The following FAT4 variants were observed in gnomAD, a reference collection of about 807,000 sequenced individuals.
FAT4 encodes the protein FAT atypical cadherin 4.
Under a neutral mutation model 303.9 loss-of-function variants are expected in FAT4, and 84 were observed. The observed-to-expected ratio is 0.28, with a 90% CI of 0.23 to 0.33. FAT4 has a LOEUF of 0.33. FAT4 is among the 10% of genes least tolerant of loss of function. FAT4 has a pLI of 1.00. For missense variants in FAT4, 6,005 were observed against 6,146.8 expected (o/e 0.98, Z 0.77); for synonymous variants, 2,307 against 2,298.8 (o/e 1.00, Z -0.10).
intron 3 of FAT4, 26 bp from the exon 4 acceptor site, chr4:125,406,854 C>T: frequency 6.2e-7 from 1 of 1,607,526 alleles, no homozygotes; most frequent in African/African-American, 1.3e-5. Context: ...CTTCCAATAG[C>T]TCAGATGCTT....
At chr4:125,357,260 T>A (rs985920310) in intron 2 of FAT4, among the ~76,000 whole-genome samples, 1 of 152,136 alleles carries the variant, frequency 6.6e-6, no homozygotes, top group South Asian at 2.1e-4. Flanking sequence ...ACATTTTTAC[T>A]GAATAAATAT....
chr4:125,317,163 G>A lies in FAT4; in HGVS notation c.752G>A (p.Gly251Asp). 3 of 1,607,138 alleles carry A rather than the reference G, an allele frequency of 1.9e-6. No individual in the cohort carries two copies. The highest frequency in any genetic ancestry group is 2.6e-6 in the Non-Finnish European group (3 of 1,175,250). Residue 251 changes from glycine (G) to aspartate (D), a missense_variant, in exon 2 of 18, where the codon GGC (glycine) becomes GAC (aspartate). Gly to Asp is a moderately conservative substitution (Grantham distance 94). Transcript: ENST00000394329. The surrounding 1 kb of genome is among the most constrained non-coding windows in gnomAD (Gnocchi z 7.0). Reference protein sequence around the residue: ...QDINDNPPVFGSSHYQAGVPE... With the variant: ...QDINDNPPVFDSSHYQAGVPE... ...ATTAATGACAACCCCCCGGTTTTTG[G>A]CAGTTCTCACTACCAGGCGGGGGTG... is the stretch of plus-strand genomic sequence containing the variant.
intron 9 of FAT4, 68 bp from the exon 10 acceptor site, chr4:125,448,393 A>G: frequency 7.1e-7 from 1 of 1,414,548 alleles, no homozygotes. Flanking sequence ...TCTTATATGC[A>G]CTTATCTGCT....
rs370300509 is a variant in FAT4 at position 125,318,238 on chromosome 4, C to A, written c.1827C>A (p.Asp609Glu). 4.7e-5 allele frequency: 76 copies of A among 1,614,190 alleles called. No homozygotes were observed. In the African/African-American group the frequency reaches 8.7e-4, roughly 18 times the overall value. The change falls in exon 2 of 18, where the codon GAC becomes GAA. Residue 609 changes from aspartate (D) to glutamate (E), a missense_variant. By Grantham distance (45) the Asp-to-Glu change is conservative (BLOSUM62 2). Transcript: ENST00000394329. ...AACTGTTGATGCTCAGGGCAACTGA[C>A]GGGGACCTGGGTGACAACGGAACAG... ...GTELLMLRATDGDLGDNGTVR... is the reference protein window; with the variant it reads ...GTELLMLRATEGDLGDNGTVR...
chr4:125,472,646 T>C (rs1027880974), intron 12 of FAT4, among the ~76,000 whole-genome samples: 1 of 152,226 alleles, frequency 6.6e-6, no homozygotes, highest in African/African-American at 2.4e-5. Context: ...TATTTTGAAT[T>C]GGCATCAGAT....
chr4:125,330,671 T>C (rs980743947), intron 2 of FAT4, among the ~76,000 whole-genome samples: 3 of 152,228 alleles, frequency 2.0e-5, no homozygotes, highest in African/African-American at 7.2e-5. Flanking sequence ...ACAAACATAG[T>C]AGACACAATA....
At chr4:125,350,139 AAAGT>A (rs142822941) in intron 2 of FAT4, among the ~76,000 whole-genome samples, 3,584 of 151,836 alleles carry the variant, frequency 0.024, 133 homozygotes, top group African/African-American at 0.083. Flanking sequence ...GCAGGAATAC[AAAGT>A]AATGGTAAAT....
intron 7 of FAT4, among the ~76,000 whole-genome samples, chr4:125,428,942 T>G (rs1382542186): frequency 6.6e-6 from 1 of 152,208 alleles, no homozygotes; most frequent in African/African-American, 2.4e-5. Context: ...TCTTTGTGAT[T>G]GCATCTGGTT....
At chr4:125,464,109 T>G (rs535008935) in intron 11 of FAT4, among the ~76,000 whole-genome samples, 1 of 152,222 alleles carries the variant, frequency 6.6e-6, no homozygotes, top group Non-Finnish European at 1.5e-5. Flanking sequence ...TTTTTAATTT[T>G]GTTTTTTATG....
intron 2 of FAT4, among the ~76,000 whole-genome samples, chr4:125,343,217 GA>G (rs1731865373): frequency 6.6e-6 from 1 of 152,108 alleles, no homozygotes; most frequent in Non-Finnish European, 1.5e-5. Flanking sequence ...TGTCCATAAA[GA>G]TAGCTTATTC....
intron 10 of FAT4, among the ~76,000 whole-genome samples, chr4:125,457,971 G>T (rs1456585247): frequency 6.6e-6 from 1 of 151,980 alleles, no homozygotes; most frequent in Non-Finnish European, 1.5e-5. Context: ...CTGCTGCCAG[G>T]TTTTCGCTGT....
intron 10 of FAT4, among the ~76,000 whole-genome samples, chr4:125,459,298 A>C (rs886344594): frequency 6.6e-6 from 1 of 152,068 alleles, no homozygotes; most frequent in African/African-American, 2.4e-5. Context: ...TGCTTGGACA[A>C]GTGAAACTTG....
intron 2 of FAT4, among the ~76,000 whole-genome samples, chr4:125,345,772 G>A (rs1731977091): frequency 6.6e-6 from 1 of 151,954 alleles, no homozygotes; most frequent in Non-Finnish European, 1.5e-5. Flanking sequence ...AAATGATCTA[G>A]TTGTCTATAT....
chr4:125,395,616 G>A (rs997651692), intron 2 of FAT4, among the ~76,000 whole-genome samples: 1 of 152,186 alleles, frequency 6.6e-6, no homozygotes, highest in Non-Finnish European at 1.5e-5. Context: ...ACCGCGCCCG[G>A]CCATTATTCA....
Position 125,449,024 on chromosome 4 carries a change from A to G in FAT4, c.8014A>G (p.Lys2672Glu). Residue 2672 changes from lysine to glutamate, a missense_variant, in exon 10 of 18, where the codon AAG becomes GAG. By Grantham distance (56) the Lys-to-Glu change is moderately conservative. Transcript: ENST00000394329. ...TGTCAATGATAATGCCCCAATTTTT[A>G]AGGAAGACCCATTTATATCTGAAAT... ...LDVNDNAPIFKEDPFISEILE... is the reference protein window; with the variant it reads ...LDVNDNAPIFEEDPFISEILE... 1 of 1,613,752 alleles carries G rather than the reference A, an allele frequency of 6.2e-7. No homozygotes were observed. The highest frequency in any genetic ancestry group is 8.5e-7 in the Non-Finnish European group (1 of 1,179,834).
In FAT4 at chr4:125,415,089, G is replaced by T. The variant is rs1452779691; in HGVS notation, c.6126G>T (p.Leu2042Phe). ...CTGCTCAAGTCTCCATTATTTTGTT[G>T]GATGTAAATGATAACCCACCGACAT... is the stretch of plus-strand genomic sequence containing the variant. ...TSTAQVSIIL[L>F]DVNDNPPTFL... The change falls in exon 6 of 18, where the codon TTG becomes TTT. Residue 2042 changes from leucine (L) to phenylalanine (F), a missense_variant. Physicochemically the swap from Leu to Phe is conservative, Grantham distance 22. Coordinates refer to ENST00000394329, the MANE Select transcript of FAT4 (RefSeq NM_001291303.3). 1.2e-6 allele frequency: 2 copies of T among 1,613,958 alleles called. No homozygotes were observed. The highest frequency in any genetic ancestry group is 3.3e-5 in the Admixed American group (2 of 59,992).
At chr4:125,402,752 T>A (rs1734437413) in intron 3 of FAT4, among the ~76,000 whole-genome samples, 1 of 152,048 alleles carries the variant, frequency 6.6e-6, no homozygotes, top group Non-Finnish European at 1.5e-5. Context: ...TCCCCCACTG[T>A]GTCAGCTTTA....
In FAT4 at chr4:125,415,034, C is replaced by G; in HGVS notation, c.6071C>G (p.Pro2024Arg). The G allele has an allele frequency of 6.2e-7, 1 of 1,614,052 alleles. No homozygotes were observed. Among genetic ancestry groups the G allele is most frequent in the Admixed American group, 1.7e-5 (1 of 59,998 alleles). ...YNLVVQVHDL[P>R]QIPASRFTST... Reference sequence around the variant, plus strand: ...TTGGTTGTTCAAGTGCATGACCTGCCACAGATTCCAGCCTCCAGATTCACA... The same window carrying G: ...TTGGTTGTTCAAGTGCATGACCTGCGACAGATTCCAGCCTCCAGATTCACA... Residue 2024 changes from proline to arginine, a missense_variant, in exon 6 of 18, where the codon CCA becomes CGA. Transcript: ENST00000394329.
intron 2 of FAT4, among the ~76,000 whole-genome samples, chr4:125,378,627 G>A (rs1482215705): frequency 2.0e-5 from 3 of 151,980 alleles, no homozygotes; most frequent in Non-Finnish European, 4.4e-5. Context: ...GATAATATTT[G>A]TTTTGTTATA....
Sources: gnomAD v4.1 joint callset for allele counts (sites outside exome capture counted in the v4.1 genomes callset) on GRCh38, gnomAD v4.1.1 for gene constraint, Gnocchi (gnomAD v3.1) non-coding constraint, MANE v1.5 for transcripts, NCBI Gene and HGNC (gene_info 2026-07-23, HGNC 2026-07-21) for gene names.